The following COL13A1 variants were observed in gnomAD, a reference collection of about 807,000 sequenced individuals.
COL13A1 encodes collagen type XIII alpha 1 chain.
A neutral mutation model predicts 130.9 loss-of-function variants in COL13A1; 89 were observed. The ratio of observed to expected loss-of-function variants is 0.68; its 90% confidence interval spans 0.57 to 0.81. The LOEUF (loss-of-function observed/expected upper bound fraction) is 0.81. Ranked by LOEUF, COL13A1 falls within the 30% of genes least tolerant of loss-of-function variation. COL13A1 has a pLI of 0.00. For missense variants in COL13A1, 879 were observed against 934.6 expected, an observed-to-expected ratio of 0.94 and a Z score of 0.78; for synonymous variants, 402 against 341.6, an observed-to-expected ratio of 1.18 and a Z score of -1.95.
intron 1 of COL13A1, among the ~76,000 whole-genome samples, chr10:69,804,431 G>A (rs765289667): frequency 1.3e-5 from 2 of 151,898 alleles, no homozygotes; most frequent in African/African-American, 2.4e-5. Context: ...TATTGTATCC[G>A]ACATGCTCAC....
intron 17 of COL13A1, among the ~76,000 whole-genome samples, chr10:69,916,211 T>A (rs1416488738): frequency 6.6e-6 from 1 of 152,186 alleles, no homozygotes; most frequent in African/African-American, 2.4e-5. Context: ...TTTAAGCCTA[T>A]GGGAACTGCA....
chr10:69,830,932 G>A lies in COL13A1; in HGVS notation c.364+8494G>A, dbSNP rs573139621. ...CTCCGACCCCCAGCCCCAGGCAAGCGTTAATCTACTCTCCATCTTTATGGA... is the reference window on the plus strand; with the variant it reads ...CTCCGACCCCCAGCCCCAGGCAAGCATTAATCTACTCTCCATCTTTATGGA... On this transcript the variant is annotated intron_variant, in intron 2 of 40. Coordinates refer to ENST00000645393, the MANE Select transcript of COL13A1 (RefSeq NM_001368882.1). Among the ~76,000 whole-genome samples the A allele has an allele frequency of 1.1e-4, 16 of 152,194 alleles. No homozygotes were observed. In the South Asian group the frequency reaches 3.1e-3, roughly 30 times the overall value.
chr10:69,949,910 G>C (rs1195771354), intron 38 of COL13A1, among the ~76,000 whole-genome samples: 2 of 151,986 alleles, frequency 1.3e-5, no homozygotes, highest in African/African-American at 4.8e-5. Context: ...ACTTTGGGGG[G>C]GTGGGGGGTG....
intron 1 of COL13A1, among the ~76,000 whole-genome samples, chr10:69,811,978 T>TGCCTGCCCTCCCC (rs1200737559): frequency 6.6e-6 from 1 of 152,122 alleles, no homozygotes; most frequent in Non-Finnish European, 1.5e-5. Context: ...TCTCCATCCC[T>TGCCTGCCCTCCCC]GCCTGCCCTC....
At chr10:69,919,019 T>C in intron 19 of COL13A1, 43 bp from the exon 20 acceptor site, 1 of 1,613,842 alleles carries the variant, frequency 6.2e-7, no homozygotes, top group Non-Finnish European at 8.5e-7. Flanking sequence ...CATTTGTTTC[T>C]GCTTTTTCTG....
intron 2 of COL13A1, among the ~76,000 whole-genome samples, chr10:69,867,187 G>C (rs977390749): frequency 2.0e-5 from 3 of 152,238 alleles, no homozygotes; most frequent in Non-Finnish European, 4.4e-5. Context: ...GAGGCATGGA[G>C]GAGGGTGGGG....
intron 36 of COL13A1, among the ~76,000 whole-genome samples, chr10:69,945,447 TGGGG>T (rs910083765): frequency 6.6e-6 from 1 of 152,128 alleles, no homozygotes; most frequent in Non-Finnish European, 1.5e-5. Flanking sequence ...TGGGAGGCCT[TGGGG>T]GATAGGCTCT....
intron 33 of COL13A1, among the ~76,000 whole-genome samples, chr10:69,937,403 G>A (rs2067077950): frequency 6.6e-6 from 1 of 152,168 alleles, no homozygotes; most frequent in African/African-American, 2.4e-5. Context: ...TTTGTCCCCA[G>A]GCCACCTAGT....
rs117679647 is a variant in COL13A1 at position 69,944,863 on chromosome 10, A to G, written c.1968+685A>G. Among the ~76,000 whole-genome samples the G allele has an allele frequency of 4.4e-3, 674 of 152,294 alleles. 5 individuals are homozygous for G. The highest frequency in any genetic ancestry group is 6.0e-3 in the Non-Finnish European group (410 of 68,016). ...CTTTGTAATGATTTAGGGAAACTGC[A>G]TGGAACAGAGGGCCAGGTGGTGTTT... On this transcript the variant is annotated intron_variant, in intron 36 of 40. Transcript: ENST00000645393.
At chr10:69,856,665 G>T (rs1856525571) in intron 2 of COL13A1, among the ~76,000 whole-genome samples, 1 of 152,228 alleles carries the variant, frequency 6.6e-6, no homozygotes, top group East Asian at 1.9e-4. Context: ...TGTGCGTACT[G>T]CAACCTCTGC....
intron 1 of COL13A1, among the ~76,000 whole-genome samples, chr10:69,810,180 C>T (rs933320029): frequency 2.6e-5 from 4 of 152,246 alleles, no homozygotes; most frequent in Non-Finnish European, 4.4e-5. Context: ...TGCCCTTGTA[C>T]GGGTGATGCT....
At chr10:69,812,163 T>C (rs1008392363) in intron 1 of COL13A1, among the ~76,000 whole-genome samples, 5 of 152,248 alleles carry the variant, frequency 3.3e-5, no homozygotes, top group Non-Finnish European at 7.3e-5. Flanking sequence ...CATTGCTAAA[T>C]GTGACCCATA....
At chr10:69,958,562 G>T in intron 40 of COL13A1, 137 bp from the exon 41 acceptor site, 1 of 1,355,018 alleles carries the variant, frequency 7.4e-7, no homozygotes, top group South Asian at 1.4e-5. Context: ...TCACCTAGGG[G>T]CTCAGGGTTC....
At chr10:69,863,034 G>A (rs912837740) in intron 2 of COL13A1, among the ~76,000 whole-genome samples, 4 of 152,216 alleles carry the variant, frequency 2.6e-5, no homozygotes, top group Non-Finnish European at 4.4e-5. Flanking sequence ...CCTGGGCCAC[G>A]GGTAAGGGCG....
In COL13A1 at chr10:69,826,292, G is replaced by A. The variant is rs542610535; in HGVS notation, c.364+3854G>A. On this transcript the variant is annotated intron_variant, in intron 2 of 40. Transcript: ENST00000645393. ...AGGATGACACGTTTTTCACCCAGAG[G>A]GAAGAATGGCTAGCTCAGCTGCTGA... Among the ~76,000 whole-genome samples the A allele has an allele frequency of 4.6e-5, 7 of 152,322 alleles. No homozygotes were observed. In the South Asian group the frequency reaches 1.2e-3, roughly 27 times the overall value.
chr10:69,956,885 T>A, intron 39 of COL13A1, 119 bp from the exon 40 acceptor site: 1 of 740,082 alleles, frequency 1.4e-6, no homozygotes, highest in South Asian at 1.5e-5. Flanking sequence ...TAGACAAGCG[T>A]GGGTGGGCCA....
chr10:69,914,035 G>A (rs2063660583), intron 17 of COL13A1, among the ~76,000 whole-genome samples: 1 of 152,194 alleles, frequency 6.6e-6, no homozygotes, highest in South Asian at 2.1e-4. Flanking sequence ...GTACCTGATT[G>A]TGTCTTTACA....
At chr10:69,930,157 G>C in intron 29 of COL13A1, 70 bp downstream of exon 29, 6 of 1,518,676 alleles carry the variant, frequency 4.0e-6, no homozygotes, top group Non-Finnish European at 3.6e-6. Flanking sequence ...GGTCGGGCAG[G>C]AAGGCTCTAG....
At position 69,878,995 on chromosome 10, in the gene COL13A1, T is replaced by C. The variant is rs2059882902; in HGVS notation, c.462+930T>C. ...AAAATAACAATCTCAACAATTATAA[T>C]ACAGTTGCCATGTATTAAACACAAA... On this transcript the variant is annotated intron_variant, in intron 6 of 40. Coordinates refer to ENST00000645393, the MANE Select transcript of COL13A1 (RefSeq NM_001368882.1). Among the ~76,000 whole-genome samples, 6 of 152,248 alleles carry C rather than the reference T, an allele frequency of 3.9e-5. No individual in the cohort carries two copies. In the South Asian group the frequency reaches 1.2e-3, roughly 31 times the overall value.
Sources: allele counts gnomAD v4.1 joint callset (sites outside exome capture counted in the v4.1 genomes callset), GRCh38; gene constraint gnomAD v4.1.1; transcripts MANE v1.5; gene names NCBI Gene and HGNC (gene_info 2026-07-23, HGNC 2026-07-21).